The following TMPRSS9 variants were observed in gnomAD, a reference collection of about 807,000 sequenced individuals.
TMPRSS9 encodes transmembrane protease serine 9.
In TMPRSS9, 113 loss-of-function variants were observed where a neutral mutation model predicts 111.4. The ratio of observed to expected loss-of-function variants is 1.01; its 90% CI spans 0.87 to 1.19. The LOEUF (loss-of-function observed/expected upper bound fraction) is 1.19, where lower values mean the gene tolerates loss of function less well. TMPRSS9 is among the 50% of genes most tolerant of loss of function. TMPRSS9 has a pLI of 0.00. For missense variants in TMPRSS9, 1,803 were observed against 1,513.1 expected (o/e 1.19, Z -3.18); for synonymous variants, 805 against 659.1 (o/e 1.22, Z -3.39).
In TMPRSS9 at chr19:2,424,176, G is replaced by A; in HGVS notation, c.2636G>A (p.Trp879Ter). The A allele has an allele frequency of 2.0e-6, 3 of 1,467,528 alleles. No homozygotes were observed. Among genetic ancestry groups the A allele is most frequent in the Non-Finnish European group, 1.8e-6 (2 of 1,105,116 alleles). 90.9% of individuals were successfully genotyped at this position (1,467,528 alleles called of 1,614,324 possible). A position where few individuals can be genotyped will look rare whatever the true frequency, so the allele number is the denominator to read the frequency against. Residue 879 changes from tryptophan (W) to a stop codon, truncating the protein, a stop_gained, in exon 15 of 18, where the codon TGG becomes TAG. Coordinates refer to ENST00000648592, the Ensembl canonical transcript of TMPRSS9. LOFTEE classifies it high-confidence loss of function. Reference sequence around the variant, plus strand: ...GAGTGGCCGTGGCAGGTGAGCCTGTGGCTGCGGCGCCGGGAACACCGTTGC... The same window carrying A: ...GAGTGGCCGTGGCAGGTGAGCCTGTAGCTGCGGCGCCGGGAACACCGTTGC...
chr19:2,381,073 T>C (rs1043062102), intron 1 of TMPRSS9, among the ~76,000 whole-genome samples: 1 of 152,070 alleles, frequency 6.6e-6, no homozygotes, highest in African/African-American at 2.4e-5. Context: ...ATCATGTTAA[T>C]GGATCTGGGC....
intron 17 of TMPRSS9, chr19:2,425,726 T>C: frequency 1.7e-6 from 2 of 1,145,864 alleles, no homozygotes; most frequent in Non-Finnish European, 2.4e-6. Context: ...GAGGCTGCAG[T>C]GGGAGGCACC....
chr19:2,370,712 TCTTTTG>T (rs887915272), intron 1 of TMPRSS9, among the ~76,000 whole-genome samples: 1 of 142,846 alleles, frequency 7.0e-6, no homozygotes, highest in Non-Finnish European at 1.5e-5. Context: ...GCTTTTGCTT[TCTTTTG>T]CTTTTGCTTT....
chr19:2,370,126 G>A (rs113944369), intron 1 of TMPRSS9, among the ~76,000 whole-genome samples: 13,282 of 151,994 alleles, frequency 0.087, 1,833 homozygotes, highest in African/African-American at 0.29. Context: ...AGGAAATCAC[G>A]TGAACCCAGG....
upstream of TMPRSS9, among the ~76,000 whole-genome samples, chr19:2,388,784 C>A (rs1161182782): frequency 6.6e-6 from 1 of 151,864 alleles, no homozygotes; most frequent in East Asian, 2.0e-4. Flanking sequence ...CCACATCTGG[C>A]TAATTTTTGT....
intron 1 of TMPRSS9, among the ~76,000 whole-genome samples, chr19:2,393,184 G>A (rs944267620): frequency 1.3e-5 from 2 of 152,150 alleles, no homozygotes; most frequent in Admixed American, 1.3e-4. Context: ...ACAGTGTAGA[G>A]GATTTGTTTT....
intron 6 of TMPRSS9, among the ~76,000 whole-genome samples, chr19:2,403,991 C>CAAAAA (rs924148287): frequency 2.0e-5 from 1 of 50,478 alleles, no homozygotes; most frequent in African/African-American, 7.0e-5. Flanking sequence ...GACTCTGTCT[C>CAAAAA]AAAAAAAAAA....
At chr19:2,413,591 G>A in intron 9 of TMPRSS9, 109 bp from the exon 11 acceptor site, 4 of 1,233,882 alleles carry the variant, frequency 3.2e-6, no homozygotes, top group Non-Finnish European at 4.5e-6. Context: ...AGCTTGTGTG[G>A]AGAGAGGTCC....
At chr19:2,425,063 G>C in exon 16 of TMPRSS9, 1 of 1,570,754 alleles carries the variant, frequency 6.4e-7, no homozygotes, top group Non-Finnish European at 8.6e-7. Context: ...CGGCGCGGAG[G>C]GGCAGCTGGA....
upstream of TMPRSS9, among the ~76,000 whole-genome samples, chr19:2,386,522 A>T (rs1970481850): frequency 6.6e-6 from 1 of 152,034 alleles, no homozygotes; most frequent in Non-Finnish European, 1.5e-5. Flanking sequence ...AAAAAACCAA[A>T]AAAACAAAGA....
At chr19:2,417,065 C>G (rs1036202008) in intron 12 of TMPRSS9, among the ~76,000 whole-genome samples, 1 of 152,222 alleles carries the variant, frequency 6.6e-6, no homozygotes, top group Non-Finnish European at 1.5e-5. Context: ...CACACATCAA[C>G]AGATTGTCTA....
upstream of TMPRSS9, chr19:2,389,691 C>T (rs559296484): frequency 1.1e-4 from 162 of 1,462,176 alleles, no homozygotes; most frequent in South Asian, 1.4e-3. Flanking sequence ...TAGTTGCAAC[C>T]CTTGCTTATG....
In TMPRSS9 at chr19:2,398,777, T is replaced by C. The variant is rs1454250237; in HGVS notation, c.271-18T>C. 1 of 1,413,736 alleles carries C rather than the reference T, an allele frequency of 7.1e-7. No homozygotes were observed. Among genetic ancestry groups the C allele is most frequent in the Non-Finnish European group, 9.3e-7 (1 of 1,069,874 alleles). 87.6% of individuals were successfully genotyped at this position (1,413,736 alleles called of 1,614,324 possible). ...ATGCTGTGGGTCTCAACATTTGATA[T>C]TCTTGTTTCTATTGCAGTTTGTAAG... On this transcript the variant is annotated intron_variant, in intron 2 of 17. Coordinates refer to ENST00000648592, the Ensembl canonical transcript of TMPRSS9.
upstream of TMPRSS9, among the ~76,000 whole-genome samples, chr19:2,386,637 C>CT (rs1330013318): frequency 6.6e-6 from 1 of 152,168 alleles, no homozygotes; most frequent in Non-Finnish European, 1.5e-5. Context: ...ACGTGGTCGG[C>CT]TGCTTTAGCG....
At chr19:2,401,309 A>T (rs930393749) in intron 4 of TMPRSS9, among the ~76,000 whole-genome samples, 3 of 151,406 alleles carry the variant, frequency 2.0e-5, no homozygotes, top group African/African-American at 7.3e-5. Context: ...GACATGCAGG[A>T]CATTTATGGT....
intron 1 of TMPRSS9, among the ~76,000 whole-genome samples, chr19:2,380,672 G>T (rs1361774417): frequency 6.6e-6 from 1 of 151,502 alleles, no homozygotes; most frequent in Admixed American, 6.6e-5. Flanking sequence ...CTAACACCTG[G>T]ATTGCAGCCT....
chr19:2,378,793 G>C (rs1028675894), intron 1 of TMPRSS9, among the ~76,000 whole-genome samples: 1 of 152,136 alleles, frequency 6.6e-6, no homozygotes, highest in Non-Finnish European at 1.5e-5. Context: ...CAGCATGGCT[G>C]GGGAGGCCTC....
chr19:2,397,105 G>C (rs1568178277), intron 2 of TMPRSS9, among the ~76,000 whole-genome samples: 1 of 151,740 alleles, frequency 6.6e-6, no homozygotes. Context: ...ATTTTTAGTA[G>C]AGACGGGGTT....
At chr19:2,424,945 G>A (rs1251677393) in intron 15 of TMPRSS9, 57 bp from the exon 17 acceptor site, 1 of 1,396,094 alleles carries the variant, frequency 7.2e-7, no homozygotes, top group African/African-American at 1.5e-5. Context: ...ACACCACAGG[G>A]GCGGGGGCCG....
Sources: gnomAD v4.1 joint callset for allele counts (sites outside exome capture counted in the v4.1 genomes callset) on GRCh38, gnomAD v4.1.1 for gene constraint, MANE v1.5 for transcripts, NCBI Gene and HGNC (gene_info 2026-07-23, HGNC 2026-07-21) for gene names.